ANKRD16: variants seen among roughly 807,000 people sequenced by gnomAD.
ANKRD16 encodes ankyrin repeat domain 16.
A neutral mutation model predicts 37.9 loss-of-function variants in ANKRD16; 35 were observed. The observed-to-expected ratio is 0.92, with a 90% CI of 0.71 to 1.23. ANKRD16 has a LOEUF of 1.23. Ranked by LOEUF, ANKRD16 falls within the 50% of genes most tolerant of loss-of-function variation. ANKRD16 has a pLI of 0.00. For synonymous variants in ANKRD16, 206 were observed against 197.2 expected, an observed-to-expected ratio of 1.04 and a Z score of -0.37; for missense variants, 480 against 469.9, an observed-to-expected ratio of 1.02 and a Z score of -0.20.
At position 5,866,041 on chromosome 10, in the gene ANKRD16, G is replaced by C. The variant is rs1842009397; in HGVS notation, c.*34-3350C>G. On this transcript the variant is annotated intron_variant, in intron 7 of 7. Transcript: ENST00000380094. This position sits in a 1 kb window ranked among gnomAD's most constrained non-coding sequence, Gnocchi z 4.3. ...TGCAGCGGTGGCCGTCTCAGTGTTA[G>C]AGGCTATCAAAATAATACAAGGAAA... Among the ~76,000 whole-genome samples, 1 of 152,152 alleles carries C rather than the reference G, an allele frequency of 6.6e-6. No individual in the cohort carries two copies. Among genetic ancestry groups the C allele is most frequent in the African/African-American group, 2.4e-5 (1 of 41,430 alleles).
chr10:5,867,161 G>C (rs560657428), intron 7 of ANKRD16, among the ~76,000 whole-genome samples: 1 of 152,234 alleles, frequency 6.6e-6, no homozygotes, highest in Non-Finnish European at 1.5e-5. Flanking sequence ...TAGCCTGAAA[G>C]TACTGAGGCC....
chr10:5,867,132 A>G (rs1004734937), intron 7 of ANKRD16, among the ~76,000 whole-genome samples: 3 of 152,250 alleles, frequency 2.0e-5, no homozygotes, highest in Non-Finnish European at 2.9e-5. Context: ...CCACCTTGTT[A>G]TCAGTGTAAG....
chr10:5,883,677 C>G (rs1253974557), intron 4 of ANKRD16, among the ~76,000 whole-genome samples: 1 of 152,224 alleles, frequency 6.6e-6, no homozygotes, highest in African/African-American at 2.4e-5. Context: ...TCAGCAGAGA[C>G]AGTTTGTTGT....
chr10:5,876,980 A>C (rs1361342752), intron 7 of ANKRD16, among the ~76,000 whole-genome samples: 1 of 152,196 alleles, frequency 6.6e-6, no homozygotes, highest in African/African-American at 2.4e-5. Flanking sequence ...GCTAAATGTC[A>C]AGTGTTTCAT....
intron 6 of ANKRD16, among the ~76,000 whole-genome samples, chr10:5,879,356 C>T (rs1842245116): frequency 6.6e-6 from 1 of 151,930 alleles, no homozygotes; most frequent in Non-Finnish European, 1.5e-5. Context: ...CACCCGTAGT[C>T]CCAGCTACTT....
intron 2 of ANKRD16, among the ~76,000 whole-genome samples, chr10:5,887,609 C>G (rs1478838570): frequency 6.6e-6 from 1 of 152,174 alleles, no homozygotes; most frequent in East Asian, 1.9e-4. Context: ...GTCTTGAACG[C>G]CTGACCTCAG....
At chr10:5,867,233 T>C (rs1377177328) in intron 7 of ANKRD16, among the ~76,000 whole-genome samples, 1 of 152,210 alleles carries the variant, frequency 6.6e-6, no homozygotes, top group African/African-American at 2.4e-5. Flanking sequence ...TAACAGGGGA[T>C]CTAACTCTTA....
intron 5 of ANKRD16, chr10:5,882,804 A>T: frequency 4.0e-6 from 2 of 499,044 alleles, no homozygotes; most frequent in Non-Finnish European, 6.7e-6. Flanking sequence ...GCTTTTTTTT[A>T]AAGTTTTGTC....
In ANKRD16 at chr10:5,866,837, G is replaced by C. The variant is rs1001502012; in HGVS notation, c.*34-4146C>G. Among the ~76,000 whole-genome samples, 5 of 151,994 alleles carry C rather than the reference G, an allele frequency of 3.3e-5. No homozygotes were observed. Among genetic ancestry groups the C allele is most frequent in the African/African-American group, 2.4e-5 (1 of 41,380 alleles). On this transcript the variant is annotated intron_variant, in intron 7 of 7. Coordinates refer to ENST00000380094, the MANE Select transcript of ANKRD16 (RefSeq NM_019046.3). The surrounding 1 kb of genome is among the most constrained non-coding windows in gnomAD (Gnocchi z 4.3). ...AAGGAGTCAAAGAGGGAGACAGAGA[G>C]AGGAAGAGACAGAGAGGCTGAAAGT...
intron 7 of ANKRD16, among the ~76,000 whole-genome samples, chr10:5,877,174 G>A (rs916362579): frequency 1.3e-4 from 19 of 151,862 alleles, no homozygotes; most frequent in Non-Finnish European, 1.0e-4. Flanking sequence ...GTGCAGTGGC[G>A]CTATCTCAGC....
chr10:5,875,251 C>A (rs1157439151), intron 7 of ANKRD16, among the ~76,000 whole-genome samples: 2 of 151,972 alleles, frequency 1.3e-5, no homozygotes, highest in African/African-American at 2.4e-5. Context: ...ATGAGACAAT[C>A]TAGGTAAGGG....
chr10:5,873,745 CCTGA>C (rs1341766513), intron 7 of ANKRD16, among the ~76,000 whole-genome samples: 1 of 152,168 alleles, frequency 6.6e-6, no homozygotes, highest in Admixed American at 6.5e-5. Context: ...GCTTCTTTAG[CCTGA>C]CTTTTGCCAT....
Position 5,883,181 on chromosome 10 carries a change from G to T in ANKRD16, c.688-14C>A. 1 of 1,611,340 alleles carries T rather than the reference G, an allele frequency of 6.2e-7. No individual in the cohort carries two copies. Among genetic ancestry groups the T allele is most frequent in the South Asian group, 1.1e-5 (1 of 90,834 alleles). ...TGAAAGGCAAGCCTAGTGGGCAGAG[G>T]AGAGAAAGGAGCAAAGGTCAAAGAT... On this transcript the variant is annotated splice_polypyrimidine_tract_variant and intron_variant, in intron 4 of 7. Transcript: ENST00000380094.
rs1261901646 is a variant in ANKRD16, at chr10:5,871,174, G to A, written c.*33+6923C>T. 6.6e-6 allele frequency among the ~76,000 whole-genome samples: 1 copy of A among 152,066 alleles called. No homozygotes were observed. The highest frequency in any genetic ancestry group is 6.6e-5 in the Admixed American group (1 of 15,264). The stretch of plus-strand genomic sequence containing the variant: ...GGCCAAGGTGGGCGGATCACCTGAG[G>A]TTGGGAGTTCGAGACCAGCCTGACC... On this transcript the variant is annotated intron_variant, in intron 7 of 7. Coordinates refer to ENST00000380094, the MANE Select transcript of ANKRD16 (RefSeq NM_019046.3). This position sits in a 1 kb window ranked among gnomAD's most constrained non-coding sequence, Gnocchi z 4.5.
At chr10:5,882,857 C>T (rs553455537) in intron 5 of ANKRD16, 149 bp downstream of exon 5, 9 of 810,276 alleles carry the variant, frequency 1.1e-5, no homozygotes, top group Admixed American at 6.4e-5. Context: ...AGAGATAAAG[C>T]GCTTCAGAAT....
At position 5,888,062 on chromosome 10, in the gene ANKRD16, G is replaced by A; in HGVS notation, c.320C>T (p.Pro107Leu). 1 of 1,614,082 alleles carries A rather than the reference G, an allele frequency of 6.2e-7. No homozygotes were observed. The highest frequency in any genetic ancestry group is 8.5e-7 in the Non-Finnish European group (1 of 1,179,942). Residue 107 changes from proline to leucine, a missense_variant, in exon 2 of 8, where the codon CCT becomes CTT. Coordinates refer to ENST00000380094, the MANE Select transcript of ANKRD16 (RefSeq NM_019046.3). ...CTTCCTTGTGCAGGCCATCATCAGA[G>A]GAGTCCTAAGGCCAACCAGGAGAAG... is the stretch of plus-strand genomic sequence containing the variant. ...VDCLKKADWT[P>L]LMMACTRKNL...
rs999894984 is a variant in ANKRD16, at chr10:5,869,076, A to ATT, written c.*34-6387_*34-6386dup. ...TCTTAAAACATTGAGATGTTTTGCG[A>ATT]TTTTTTTTTTTAAAGCTCATCAGCT... is the stretch of plus-strand genomic sequence containing the variant. On this transcript the variant is annotated intron_variant, in intron 7 of 7. Coordinates refer to ENST00000380094, the MANE Select transcript of ANKRD16 (RefSeq NM_019046.3). The surrounding 1 kb of genome is among the most constrained non-coding windows in gnomAD (Gnocchi z 4.0). Among the ~76,000 whole-genome samples, 2 of 149,042 alleles carry ATT rather than the reference A, an allele frequency of 1.3e-5. No homozygotes were observed. Among genetic ancestry groups the ATT allele is most frequent in the African/African-American group, 4.9e-5 (2 of 40,682 alleles).
At chr10:5,887,490 TCA>T (rs992108285) in intron 2 of ANKRD16, among the ~76,000 whole-genome samples, 1 of 151,596 alleles carries the variant, frequency 6.6e-6, no homozygotes, top group African/African-American at 2.4e-5. Context: ...TTCTCCTGCC[TCA>T]GACTCTGGAG....
intron 6 of ANKRD16, among the ~76,000 whole-genome samples, chr10:5,879,005 C>T (rs1272260273): frequency 6.6e-6 from 1 of 152,128 alleles, no homozygotes; most frequent in Non-Finnish European, 1.5e-5. Flanking sequence ...AACAAGCTTC[C>T]CACTCTGGGT....
Sources: gnomAD v4.1 joint callset for allele counts (sites outside exome capture counted in the v4.1 genomes callset) on GRCh38, gnomAD v4.1.1 for gene constraint, Gnocchi (gnomAD v3.1) non-coding constraint, MANE v1.5 for transcripts, NCBI Gene and HGNC (gene_info 2026-07-23, HGNC 2026-07-21) for gene names.